Variants in CRTC1 observed in about 807,000 individuals in gnomAD.
CRTC1 encodes the protein CREB-regulated transcription coactivator 1.
Under a neutral mutation model 66.1 loss-of-function variants are expected in CRTC1, and 18 were observed. The observed-to-expected ratio is 0.27, with a 90% CI of 0.19 to 0.40. The LOEUF (loss-of-function observed/expected upper bound fraction) is 0.40. Ranked by LOEUF, CRTC1 falls within the 10% of genes least tolerant of loss-of-function variation. The probability of loss-of-function intolerance (pLI) is 1.00; values close to 1 mark genes in which losing one functional copy is unlikely to be tolerated. For synonymous variants in CRTC1, 416 were observed against 398.8 expected, an observed-to-expected ratio of 1.04 and a Z score of -0.51; for missense variants, 669 against 887.9, an observed-to-expected ratio of 0.75 and a Z score of 3.13.
At chr19:18,722,567 G>A (rs1169080226) in intron 1 of CRTC1, among the ~76,000 whole-genome samples, 1 of 152,200 alleles carries the variant, frequency 6.6e-6, no homozygotes, top group Non-Finnish European at 1.5e-5. Context: ...AGAGTGATGC[G>A]GCCACAAGCC....
intron 1 of CRTC1, among the ~76,000 whole-genome samples, chr19:18,739,051 A>C (rs2054057875): frequency 6.6e-6 from 1 of 152,082 alleles, no homozygotes; most frequent in South Asian, 2.1e-4. Flanking sequence ...AGTGGGGTCC[A>C]CTCTCACAGC....
In CRTC1 at chr19:18,721,492, C is replaced by CT. The variant is rs56049346; in HGVS notation, c.127-21397dup. Among the ~76,000 whole-genome samples the CT allele has an allele frequency of 2.2e-3, 274 of 122,056 alleles. 4 individuals are homozygous for CT. In the East Asian group the frequency reaches 0.043, roughly 19 times the overall value. The allele number at this position is 122,056 out of a possible 152,430, so 80.1% of individuals were successfully genotyped here. A position where few individuals can be genotyped will look rare whatever the true frequency, so the allele number is the denominator to read the frequency against. ...ACAGGCATGAGCCACCACACCCGGC[C>CT]TTTTTTTTTTTTTTTTTTTTTAAAC... is the stretch of plus-strand genomic sequence containing the variant. On this transcript the variant is annotated intron_variant, in intron 1 of 13. Coordinates refer to ENST00000321949, the MANE Select transcript of CRTC1 (RefSeq NM_015321.3).
chr19:18,696,458 A>C (rs1193321227), intron 1 of CRTC1, among the ~76,000 whole-genome samples: 3 of 152,050 alleles, frequency 2.0e-5, no homozygotes, highest in Non-Finnish European at 4.4e-5. Context: ...TGCACAGTGG[A>C]TTGTTGCAGT....
intron 7 of CRTC1, 75 bp from the exon 8 acceptor site, chr19:18,759,933 C>CCCGCCAGTCCCCTGTCCCCG: frequency 2.0e-6 from 2 of 991,358 alleles, no homozygotes; most frequent in Non-Finnish European, 2.8e-6. Context: ...CTGATTTTCT[C>CCCGCCAGTCCCCTGTCCCCG]CCGCCAGCCC....
At chr19:18,742,878 C>A in intron 1 of CRTC1, 32 bp from the exon 2 acceptor site, 1 of 1,507,336 alleles carries the variant, frequency 6.6e-7, no homozygotes, top group Non-Finnish European at 9.2e-7. Flanking sequence ...GGGAGGTGAC[C>A]CCTCCCGCAG....
chr19:18,748,219 TTACA>T (rs1245951041), intron 4 of CRTC1, among the ~76,000 whole-genome samples: 2 of 152,148 alleles, frequency 1.3e-5, no homozygotes, highest in South Asian at 2.1e-4. Context: ...ACACACATAT[TTACA>T]TACATATGTA....
At chr19:18,739,361 T>C (rs1454619741) in intron 1 of CRTC1, among the ~76,000 whole-genome samples, 3 of 152,212 alleles carry the variant, frequency 2.0e-5, no homozygotes, top group Non-Finnish European at 4.4e-5. Context: ...TTGTGTTGCC[T>C]GGGCCAGCTG....
chr19:18,767,842 T>G (rs2054770926), intron 9 of CRTC1, among the ~76,000 whole-genome samples: 1 of 152,238 alleles, frequency 6.6e-6, no homozygotes, highest in Non-Finnish European at 1.5e-5. Flanking sequence ...CCATAGCTCC[T>G]GGGCACGCTC....
intron 1 of CRTC1, among the ~76,000 whole-genome samples, chr19:18,716,889 G>T (rs1226965259): frequency 1.3e-5 from 2 of 152,122 alleles, no homozygotes; most frequent in Non-Finnish European, 2.9e-5. Flanking sequence ...GGTGGGGCAT[G>T]GGGGGTTCCT....
chr19:18,724,057 T>TA (rs1397097277), intron 1 of CRTC1, among the ~76,000 whole-genome samples: 4 of 152,166 alleles, frequency 2.6e-5, no homozygotes, highest in Admixed American at 1.3e-4. Flanking sequence ...GCATCCCACA[T>TA]ATGTGGTCAT....
intron 1 of CRTC1, among the ~76,000 whole-genome samples, chr19:18,687,093 G>C (rs947644494): frequency 7.1e-6 from 1 of 140,990 alleles, no homozygotes; most frequent in Non-Finnish European, 1.5e-5. Flanking sequence ...TCGGCTCACT[G>C]CAACCTCTGC....
At chr19:18,713,029 G>C (rs1364529364) in intron 1 of CRTC1, among the ~76,000 whole-genome samples, 1 of 151,404 alleles carries the variant, frequency 6.6e-6, no homozygotes, top group African/African-American at 2.4e-5. Flanking sequence ...CCAGCCCCTG[G>C]CAGCCAGCAG....
At chr19:18,706,645 G>GT (rs2053273161) in intron 1 of CRTC1, among the ~76,000 whole-genome samples, 1 of 152,046 alleles carries the variant, frequency 6.6e-6, no homozygotes, top group Admixed American at 6.6e-5. Flanking sequence ...GCTATTTGAG[G>GT]TTTTTTGAGA....
chr19:18,745,690 G>A (rs2054216258), intron 2 of CRTC1, 133 bp from the exon 3 acceptor site: 1 of 1,147,082 alleles, frequency 8.7e-7, no homozygotes, highest in East Asian at 2.3e-5. Flanking sequence ...CCCATCCCAG[G>A]CTGTGGAGCG....
At chr19:18,756,031 A>G (rs2054476661) in intron 6 of CRTC1, among the ~76,000 whole-genome samples, 2 of 152,212 alleles carry the variant, frequency 1.3e-5, no homozygotes, top group Middle Eastern at 3.4e-3. Flanking sequence ...TACGGGAAAA[A>G]AACTTTAAAA....
At chr19:18,737,834 C>T (rs11882693) in intron 1 of CRTC1, among the ~76,000 whole-genome samples, 2 of 152,144 alleles carry the variant, frequency 1.3e-5, no homozygotes, top group Admixed American at 1.3e-4. Flanking sequence ...GGATAATCCC[C>T]TTCCACTTCA....
intron 1 of CRTC1, among the ~76,000 whole-genome samples, chr19:18,731,891 G>A (rs982247677): frequency 1.3e-5 from 2 of 152,178 alleles, no homozygotes; most frequent in African/African-American, 2.4e-5. Flanking sequence ...ACTGGAGCCC[G>A]ACCCAGGAAC....
At chr19:18,729,445 A>G (rs916110997) in intron 1 of CRTC1, among the ~76,000 whole-genome samples, 1 of 150,732 alleles carries the variant, frequency 6.6e-6, no homozygotes, top group Non-Finnish European at 1.5e-5. Flanking sequence ...AAAAGAAAAA[A>G]AAAAAGAAGT....
At chr19:18,709,824 G>A (rs1279745607) in intron 1 of CRTC1, among the ~76,000 whole-genome samples, 1 of 152,154 alleles carries the variant, frequency 6.6e-6, no homozygotes, top group Non-Finnish European at 1.5e-5. Context: ...GTTCCCTGCC[G>A]TGGATGGGCT....
Sources: gnomAD v4.1 joint callset for allele counts (sites outside exome capture counted in the v4.1 genomes callset) on GRCh38, gnomAD v4.1.1 for gene constraint, MANE v1.5 for transcripts, NCBI Gene and HGNC (gene_info 2026-07-23, HGNC 2026-07-21) for gene names.